Variants in LINGO2 observed in about 807,000 individuals in gnomAD.
The protein encoded by LINGO2 is leucine-rich repeat and immunoglobulin-like domain-containing nogo receptor-interacting protein 2.
LINGO2 carries 14 observed loss-of-function variants against 30.6 expected under a neutral mutation model. That is an observed-to-expected ratio of 0.46 (90% CI 0.30 to 0.72). The LOEUF (loss-of-function observed/expected upper bound fraction) is 0.72. Among genes scored for constraint, LINGO2 ranks in the 30% least tolerant of loss-of-function variants. The pLI, the probability that LINGO2 is intolerant of heterozygous loss-of-function variation, is 0.07. For synonymous variants in LINGO2, 317 were observed against 288.5 expected, an observed-to-expected ratio of 1.10 and a Z score of -1.00; for missense variants, 729 against 751.7, an observed-to-expected ratio of 0.97 and a Z score of 0.35.
At chr9:29,085,543 G>A in the LINGO2 span, among the ~76,000 whole-genome samples, 12 of 151,976 alleles carry the variant, frequency 7.9e-5, no homozygotes, top group Non-Finnish European at 1.8e-4. Flanking sequence ...ATCTAAATTT[G>A]AGGGTCCACA....
the LINGO2 span, among the ~76,000 whole-genome samples, chr9:28,702,270 A>G: frequency 6.6e-6 from 1 of 151,826 alleles, no homozygotes; most frequent in Admixed American, 6.6e-5. Flanking sequence ...TTTTTTGTAG[A>G]TGTTCTTTAC....
rs559046943 is a variant in LINGO2, at chr9:28,219,039, C to T, written c.-87+76169G>A. On this transcript the variant is annotated intron_variant, in intron 4 of 5. Coordinates refer to ENST00000379992, the Ensembl canonical transcript of LINGO2. ...TCATTTAGTCCTTTAAATAATAACA[C>T]ATGCAGGCAGTCACCCAGTTTTCAG... Among the ~76,000 whole-genome samples, 11 of 152,304 alleles carry T rather than the reference C, an allele frequency of 7.2e-5. No individual in the cohort carries two copies. In the South Asian group the frequency reaches 2.1e-3, roughly 29 times the overall value.
At chr9:28,745,817 G>T in the LINGO2 span, among the ~76,000 whole-genome samples, 2 of 151,974 alleles carry the variant, frequency 1.3e-5, no homozygotes, top group Non-Finnish European at 1.5e-5. Context: ...TCCAATGTTT[G>T]TGTCCTGATT....
the LINGO2 span, among the ~76,000 whole-genome samples, chr9:28,854,299 A>T: frequency 9.2e-5 from 14 of 152,182 alleles, no homozygotes; most frequent in African/African-American, 3.4e-4. Context: ...TGAATGCTGA[A>T]GAAGACCACA....
intron 2 of LINGO2, among the ~76,000 whole-genome samples, chr9:28,387,489 G>A (rs1160270905): frequency 2.0e-5 from 3 of 152,166 alleles, no homozygotes; most frequent in Non-Finnish European, 4.4e-5. Flanking sequence ...CCTCCTGGGG[G>A]CCCCTTCCAC....
chr9:29,011,330 C>T, the LINGO2 span, among the ~76,000 whole-genome samples: 1 of 152,104 alleles, frequency 6.6e-6, no homozygotes, highest in African/African-American at 2.4e-5. Flanking sequence ...CCTGTGTTGA[C>T]TTCATACCTT....
chr9:28,540,322 C>A (rs960383944), intron 1 of LINGO2, among the ~76,000 whole-genome samples: 26 of 151,708 alleles, frequency 1.7e-4, no homozygotes, highest in African/African-American at 6.3e-4. Context: ...TACAGTGGCA[C>A]AATTACAGCT....
At chr9:29,137,296 C>G in the LINGO2 span, among the ~76,000 whole-genome samples, 4 of 152,088 alleles carry the variant, frequency 2.6e-5, no homozygotes, top group African/African-American at 9.7e-5. Context: ...TAACTAAGCT[C>G]TAATTATTAT....
chr9:29,149,582 A>G, the LINGO2 span, among the ~76,000 whole-genome samples: 1 of 151,616 alleles, frequency 6.6e-6, no homozygotes, highest in Non-Finnish European at 1.5e-5. Context: ...GCTAGTTTCC[A>G]CCCCTGAACA....
the LINGO2 span, among the ~76,000 whole-genome samples, chr9:28,761,595 T>C: frequency 0.91 from 137,927 of 151,926 alleles, 62,854 homozygotes; most frequent in Non-Finnish European, 0.94. Context: ...AAGAAGATAA[T>C]GTCATCATGG....
chr9:28,628,833 A>G (rs917301459), intron 1 of LINGO2, among the ~76,000 whole-genome samples: 1 of 152,104 alleles, frequency 6.6e-6, no homozygotes, highest in African/African-American at 2.4e-5. Context: ...ATTTTGTACT[A>G]ATAGCTGAAA....
intron 3 of LINGO2, among the ~76,000 whole-genome samples, chr9:28,348,333 TG>T (rs1215100167): frequency 3.3e-5 from 5 of 152,204 alleles, no homozygotes; most frequent in Admixed American, 3.3e-4. Context: ...TTGCCTCACT[TG>T]GGAAGCGCAA....
chr9:29,003,445 A>T, the LINGO2 span, among the ~76,000 whole-genome samples: 1 of 151,974 alleles, frequency 6.6e-6, no homozygotes, highest in South Asian at 2.1e-4. Flanking sequence ...GACAAGAAAG[A>T]GACAAGGAAA....
chr9:29,180,157 C>A, the LINGO2 span, among the ~76,000 whole-genome samples: 97 of 152,218 alleles, frequency 6.4e-4, no homozygotes, highest in African/African-American at 2.3e-3. Context: ...AACACTCTGC[C>A]CCCTGCCTCT....
At chr9:28,923,636 C>T in the LINGO2 span, among the ~76,000 whole-genome samples, 7 of 68,444 alleles carry the variant, frequency 1.0e-4, no homozygotes, top group Non-Finnish European at 1.5e-4. Flanking sequence ...GAATAGGCCA[C>T]TCGGGATAAT....
At chr9:28,240,598 G>A (rs1266825481) in intron 4 of LINGO2, among the ~76,000 whole-genome samples, 1 of 152,092 alleles carries the variant, frequency 6.6e-6, no homozygotes, top group Non-Finnish European at 1.5e-5. Flanking sequence ...ATATGCAGAA[G>A]AATGAAACTT....
the LINGO2 span, among the ~76,000 whole-genome samples, chr9:28,789,567 T>A: frequency 1.3e-5 from 2 of 152,192 alleles, no homozygotes; most frequent in African/African-American, 4.8e-5. Context: ...TGGGTACCTG[T>A]TGCTAGTCAG....
chr9:28,699,515 T>C, the LINGO2 span, among the ~76,000 whole-genome samples: 1 of 152,040 alleles, frequency 6.6e-6, no homozygotes, highest in Non-Finnish European at 1.5e-5. Flanking sequence ...TAAAACAAGC[T>C]TGTTTGAACA....
At chr9:28,412,125 A>C (rs990738356) in intron 2 of LINGO2, among the ~76,000 whole-genome samples, 10 of 147,502 alleles carry the variant, frequency 6.8e-5, no homozygotes, top group Admixed American at 2.1e-4. Flanking sequence ...TCCAGTGTTC[A>C]CTACATTATA....
Sources: gnomAD v4.1 joint callset for allele counts (sites outside exome capture counted in the v4.1 genomes callset) on GRCh38, gnomAD v4.1.1 for gene constraint, MANE v1.5 for transcripts, NCBI Gene and HGNC (gene_info 2026-07-23, HGNC 2026-07-21) for gene names.